Variants in RABGAP1L observed in about 807,000 individuals in gnomAD.
The protein encoded by RABGAP1L is rab GTPase-activating protein 1-like.
Under a neutral mutation model 137.7 loss-of-function variants are expected in RABGAP1L, and 63 were observed. The observed-to-expected ratio is 0.46, with a 90% CI of 0.37 to 0.56. The LOEUF (loss-of-function observed/expected upper bound fraction) is 0.56, where lower values mean the gene tolerates loss of function less well. Among genes scored for constraint, RABGAP1L ranks in the 20% least tolerant of loss-of-function variants. The pLI, the probability that RABGAP1L is intolerant of heterozygous loss-of-function variation, is 0.00. For missense variants in RABGAP1L, 1,095 were observed against 1,244.0 expected (o/e 0.88, Z 1.80); for synonymous variants, 431 against 433.7 (o/e 0.99, Z 0.08).
rs141426184 is a variant in RABGAP1L at position 174,699,475 on chromosome 1, C to A, written c.1900-50C>A. 44 of 1,545,468 alleles carry A rather than the reference C, an allele frequency of 2.8e-5. No homozygotes were observed. In the East Asian group the frequency reaches 9.9e-4, roughly 35 times the overall value. On this transcript the variant is annotated intron_variant, in intron 15 of 25. Transcript: ENST00000681986. ...AACATGAAGGAACTTTTTTGACATT[C>A]TGGCAAAATGCCACTTATTTATATT... is the stretch of plus-strand genomic sequence containing the variant.
intron 11 of RABGAP1L, among the ~76,000 whole-genome samples, chr1:174,366,513 T>TAATC (rs1423968543): frequency 6.6e-6 from 1 of 152,136 alleles, no homozygotes; most frequent in African/African-American, 2.4e-5. Context: ...CTCATGCCTG[T>TAATC]AATCCCAGCA....
At chr1:174,327,779 G>C (rs1159125332) in intron 11 of RABGAP1L, among the ~76,000 whole-genome samples, 1 of 151,432 alleles carries the variant, frequency 6.6e-6, no homozygotes, top group African/African-American at 2.4e-5. Context: ...AACATGTGTA[G>C]ACTGAAAATG....
At chr1:174,923,011 A>G (rs1662077145) in intron 19 of RABGAP1L, among the ~76,000 whole-genome samples, 1 of 152,114 alleles carries the variant, frequency 6.6e-6, no homozygotes, top group Non-Finnish European at 1.5e-5. Context: ...TTGTCTCTAC[A>G]GAAATATCAA....
At chr1:174,326,003 C>T (rs1376673964) in intron 11 of RABGAP1L, among the ~76,000 whole-genome samples, 2 of 152,218 alleles carry the variant, frequency 1.3e-5, no homozygotes, top group Admixed American at 1.3e-4. Context: ...CGTGTCTAAC[C>T]TGGGCTTAGG....
intron 13 of RABGAP1L, among the ~76,000 whole-genome samples, chr1:174,403,540 A>G (rs938730953): frequency 5.3e-5 from 8 of 152,068 alleles, no homozygotes; most frequent in African/African-American, 1.7e-4. Flanking sequence ...TTTTGTGTAA[A>G]TTACATAAAA....
chr1:174,356,229 G>C (rs74733386), intron 11 of RABGAP1L, among the ~76,000 whole-genome samples: 146 of 151,992 alleles, frequency 9.6e-4, no homozygotes, highest in African/African-American at 3.5e-3. Context: ...TTTTCCCCTG[G>C]TGTGGTTAGA....
chr1:174,918,691 T>C (rs1661280384), intron 19 of RABGAP1L, among the ~76,000 whole-genome samples: 2 of 152,126 alleles, frequency 1.3e-5, no homozygotes, highest in South Asian at 4.1e-4. Flanking sequence ...AGGCTGAGGT[T>C]GCTTGAGCCC....
intron 12 of RABGAP1L, among the ~76,000 whole-genome samples, chr1:174,386,720 G>A (rs1686818078): frequency 6.6e-6 from 1 of 151,996 alleles, no homozygotes; most frequent in Non-Finnish European, 1.5e-5. Flanking sequence ...TGTTGGCCGG[G>A]CTGGTCTTGA....
chr1:174,170,570 G>A (rs1252270543), intron 1 of RABGAP1L, among the ~76,000 whole-genome samples: 2 of 151,560 alleles, frequency 1.3e-5, no homozygotes, highest in Non-Finnish European at 2.9e-5. Context: ...AGCTGCTCGG[G>A]AGGCTGAGGT....
chr1:174,838,430 C>T (rs1000976179), intron 19 of RABGAP1L, among the ~76,000 whole-genome samples: 4 of 152,158 alleles, frequency 2.6e-5, no homozygotes, highest in African/African-American at 9.7e-5. Context: ...ACCATCTTGA[C>T]CACATCTCAG....
chr1:174,321,595 G>GATAATGA (rs1163718520), intron 11 of RABGAP1L, among the ~76,000 whole-genome samples: 1 of 152,114 alleles, frequency 6.6e-6, no homozygotes, highest in African/African-American at 2.4e-5. Context: ...TGGTTCCTCT[G>GATAATGA]ATAATGAATA....
chr1:174,231,196 G>C lies in RABGAP1L; in HGVS notation c.383G>C (p.Ser128Thr). The C allele has an allele frequency of 1.9e-6, 3 of 1,613,866 alleles. No individual in the cohort carries two copies. The highest frequency in any genetic ancestry group is 2.5e-6 in the Non-Finnish European group (3 of 1,179,862). ...CCAGGTGGACTACCTGAAGAAGATA[G>C]TGTTTTATTTAATAAACTGACCTAC... ...SSPGGLPEED[S>T]VLFNKLTYLG... Residue 128 changes from serine (S) to threonine (T), a missense_variant, in exon 4 of 26, where the codon AGT (serine) becomes ACT (threonine). By Grantham distance (58) the Ser-to-Thr change is moderately conservative. This residue lies in a region of RABGAP1L where 356 missense variants were observed against 326.3 expected (regional missense o/e 1.09). Coordinates refer to ENST00000681986, the MANE Select transcript of RABGAP1L (RefSeq NM_001366446.1).
chr1:174,282,747 G>A (rs960465881), intron 10 of RABGAP1L, among the ~76,000 whole-genome samples: 3 of 152,018 alleles, frequency 2.0e-5, no homozygotes, highest in African/African-American at 7.2e-5. Flanking sequence ...ATAGTTTCAG[G>A]CCTATTACCT....
chr1:174,304,760 G>A (rs1178812573), intron 10 of RABGAP1L, among the ~76,000 whole-genome samples: 2 of 152,118 alleles, frequency 1.3e-5, no homozygotes, highest in East Asian at 3.9e-4. Flanking sequence ...AAAATAATTA[G>A]TAGGTTTCAT....
chr1:174,408,998 C>T (rs1649597678), intron 13 of RABGAP1L, among the ~76,000 whole-genome samples: 2 of 152,104 alleles, frequency 1.3e-5, no homozygotes. Context: ...AGTATGTTCT[C>T]CTATTCTGTA....
intron 18 of RABGAP1L, among the ~76,000 whole-genome samples, chr1:174,775,662 A>G (rs1471533476): frequency 6.6e-6 from 1 of 152,022 alleles, no homozygotes; most frequent in African/African-American, 2.4e-5. Context: ...AGTCTACCCT[A>G]CTGACCTTTC....
chr1:174,398,747 G>GA (rs1367977655), intron 13 of RABGAP1L, among the ~76,000 whole-genome samples: 1 of 152,046 alleles, frequency 6.6e-6, no homozygotes, highest in Non-Finnish European at 1.5e-5. Context: ...CTCCACCCCC[G>GA]AAAATCTAGG....
At chr1:174,327,992 T>TATATATATATATATATACAC in intron 11 of RABGAP1L, among the ~76,000 whole-genome samples, 1 of 57,594 alleles carries the variant, frequency 1.7e-5, no homozygotes, top group East Asian at 4.9e-4. Flanking sequence ...CACACATATA[T>TATATATATATATATATACAC]ATATATATAT....
Position 174,795,866 on chromosome 1 carries a change from G to A in RABGAP1L, c.2212-15966G>A, listed in dbSNP as rs1173270617. Among the ~76,000 whole-genome samples the A allele has an allele frequency of 1.4e-4, 22 of 152,212 alleles. 1 individual carries two copies. The highest frequency in any genetic ancestry group is 1.4e-3 in the Admixed American group (22 of 15,286). On this transcript the variant is annotated intron_variant, in intron 18 of 25. Transcript: ENST00000681986. ...CCTGGGATTATAGGTGTGAGCTACTGTGCCTGGCCTCAGCCCCAAGTACTA... is the reference window on the plus strand; with the variant it reads ...CCTGGGATTATAGGTGTGAGCTACTATGCCTGGCCTCAGCCCCAAGTACTA...
Sources: gnomAD v4.1 joint callset for allele counts (sites outside exome capture counted in the v4.1 genomes callset) on GRCh38, gnomAD v4.1.1 for gene constraint, gnomAD v4.1.1 regional missense constraint, MANE v1.5 for transcripts, NCBI Gene and HGNC (gene_info 2026-07-23, HGNC 2026-07-21) for gene names.